Variants in GMPS observed in about 807,000 individuals in gnomAD.
The protein encoded by GMPS is guanosine monophosphate synthase.
GMPS carries 15 observed loss-of-function variants against 77.9 expected under a neutral mutation model. The observed-to-expected ratio is 0.19, with a 90% CI of 0.13 to 0.30. GMPS has a LOEUF of 0.30. GMPS is among the 10% of genes least tolerant of loss of function. The probability of loss-of-function intolerance (pLI) is 1.00; values close to 1 mark genes in which losing one functional copy is unlikely to be tolerated. For synonymous variants in GMPS, 224 were observed against 275.9 expected, an observed-to-expected ratio of 0.81 and a Z score of 1.86; for missense variants, 590 against 838.8, an observed-to-expected ratio of 0.70 and a Z score of 3.66.
At position 155,925,300 on chromosome 3, in the gene GMPS, G is replaced by C. The variant is rs759415163; in HGVS notation, c.1494G>C (p.Leu498=). 4 of 1,610,606 alleles carry C rather than the reference G, an allele frequency of 2.5e-6. No individual in the cohort carries two copies. The highest frequency in any genetic ancestry group is 1.1e-5 in the South Asian group (1 of 90,984). ...CAACAGAAGAGGATCAGGAGAAGCT[G>C]ATGCAAATTACCAGTCTGCATTCAC... is the stretch of plus-strand genomic sequence containing the variant. ...ACTTEEDQEK[L]MQITSLHSLN... is the part of the protein sequence containing the mutation. Residue 498 remains leucine (L), a synonymous_variant, in exon 12 of 16, where the codon CTG becomes CTC. Transcript: ENST00000496455.
At chr3:155,875,919 A>C (rs1482914485) in intron 1 of GMPS, among the ~76,000 whole-genome samples, 1 of 152,188 alleles carries the variant, frequency 6.6e-6, no homozygotes, top group East Asian at 1.9e-4. Context: ...AGATTGTTAT[A>C]ATGTGAAAGG....
intron 9 of GMPS, among the ~76,000 whole-genome samples, chr3:155,916,526 C>T (rs1425524247): frequency 6.6e-6 from 1 of 152,146 alleles, no homozygotes; most frequent in Non-Finnish European, 1.5e-5. Flanking sequence ...AATATGTGGT[C>T]TTTTATGACT....
intron 10 of GMPS, among the ~76,000 whole-genome samples, 182 bp from the exon 11 acceptor site, chr3:155,922,005 G>A (rs79631003): frequency 0.022 from 3,297 of 152,200 alleles, 55 homozygotes; most frequent in Non-Finnish European, 0.033. Flanking sequence ...GAATGTTGAA[G>A]CATTCTAAAA....
chr3:155,890,473 TAAAA>T (rs919841357), intron 1 of GMPS, among the ~76,000 whole-genome samples: 5 of 151,746 alleles, frequency 3.3e-5, no homozygotes, highest in Non-Finnish European at 7.4e-5. Context: ...TGTAGGGAAA[TAAAA>T]AAATAGTAAA....
intron 3 of GMPS, among the ~76,000 whole-genome samples, chr3:155,901,747 T>TA (rs1754743713): frequency 6.6e-6 from 1 of 152,278 alleles, no homozygotes; most frequent in African/African-American, 2.4e-5. Flanking sequence ...GTAAGATTCA[T>TA]ACGTTTATTT....
chr3:155,894,034 A>C (rs1183394207), intron 2 of GMPS, among the ~76,000 whole-genome samples: 1 of 152,146 alleles, frequency 6.6e-6, no homozygotes, highest in Admixed American at 6.5e-5. Flanking sequence ...TGGCTAGAAT[A>C]CTCCAAAGAG....
intron 12 of GMPS, among the ~76,000 whole-genome samples, chr3:155,929,931 C>G (rs1755566597): frequency 6.9e-6 from 1 of 143,958 alleles, no homozygotes; most frequent in Non-Finnish European, 1.5e-5. Flanking sequence ...TGAAAATGGC[C>G]ATACTGCCCA....
chr3:155,897,935 T>C lies in GMPS; in HGVS notation c.218T>C (p.Ile73Thr). ...TGTTCCTTAAATCACAGTGCTATTA[T>C]CATCTCTGGAGGACCTAATTCTGTG... The part of the protein sequence containing the change: ...AIKEQGFRAI[I>T]ISGGPNSVYA... The change falls in exon 3 of 16, where the codon ATC becomes ACC. Residue 73 changes from isoleucine (I) to threonine (T), a missense_variant. Around this residue, in one of 6 missense-constraint regions of GMPS, gnomAD observed 136 missense variants for 225.6 expected, o/e 0.60. Transcript: ENST00000496455. 1 of 1,515,032 alleles carries C rather than the reference T, an allele frequency of 6.6e-7. No homozygotes were observed. The highest frequency in any genetic ancestry group is 9.2e-7 in the Non-Finnish European group (1 of 1,089,794). The allele number at this position is 1,515,032 out of a possible 1,614,324, so 93.8% of individuals were successfully genotyped here.
intron 10 of GMPS, among the ~76,000 whole-genome samples, chr3:155,921,300 A>G (rs1755311956): frequency 6.6e-6 from 1 of 152,170 alleles, no homozygotes; most frequent in Non-Finnish European, 1.5e-5. Context: ...AAAAACTCAC[A>G]TTATTTATTA....
At chr3:155,904,331 C>T (rs1754814355) in intron 4 of GMPS, among the ~76,000 whole-genome samples, 1 of 151,594 alleles carries the variant, frequency 6.6e-6, no homozygotes, top group Non-Finnish European at 1.5e-5. Flanking sequence ...CCTCTGCCAC[C>T]TGGGCTGGAG....
chr3:155,930,620 G>T (rs1755589366), intron 12 of GMPS, among the ~76,000 whole-genome samples: 1 of 152,066 alleles, frequency 6.6e-6, no homozygotes, highest in African/African-American at 2.4e-5. Context: ...ATCTGACAAA[G>T]GGCTAATATC....
At chr3:155,887,746 A>G (rs753862270) in intron 1 of GMPS, among the ~76,000 whole-genome samples, 3 of 152,172 alleles carry the variant, frequency 2.0e-5, no homozygotes, top group Non-Finnish European at 4.4e-5. Context: ...TAGGAGATGC[A>G]TGCTGAAAAG....
At chr3:155,917,745 C>T (rs1468823533) in intron 9 of GMPS, among the ~76,000 whole-genome samples, 2 of 151,946 alleles carry the variant, frequency 1.3e-5, no homozygotes, top group Non-Finnish European at 2.9e-5. Context: ...TGATGGCGGG[C>T]ATCTATAATG....
chr3:155,923,767 CTT>C (rs1755382419), intron 11 of GMPS, among the ~76,000 whole-genome samples: 1 of 152,128 alleles, frequency 6.6e-6, no homozygotes, highest in African/African-American at 2.4e-5. Flanking sequence ...TCTGGGGAAG[CTT>C]TTGAAGTATA....
At chr3:155,881,404 T>G (rs1318665016) in intron 1 of GMPS, among the ~76,000 whole-genome samples, 1 of 152,166 alleles carries the variant, frequency 6.6e-6, no homozygotes, top group Non-Finnish European at 1.5e-5. Context: ...ACTCCCAACC[T>G]TAGGTGATCT....
At chr3:155,931,954 G>A in intron 13 of GMPS, 74 bp downstream of exon 13, 1 of 715,338 alleles carries the variant, frequency 1.4e-6, no homozygotes, top group South Asian at 1.7e-5. Context: ...TCAATTAATG[G>A]AAGACCAAAA....
intron 11 of GMPS, among the ~76,000 whole-genome samples, chr3:155,925,033 A>T (rs2108130190): frequency 6.6e-6 from 1 of 152,324 alleles, no homozygotes. Flanking sequence ...ATGTAAATAT[A>T]ATCTGCATTT....
chr3:155,876,990 G>A (rs1754065404), intron 1 of GMPS, among the ~76,000 whole-genome samples: 2 of 152,034 alleles, frequency 1.3e-5, no homozygotes, highest in Admixed American at 6.6e-5. Flanking sequence ...AGTTACTCCC[G>A]TTTGTCACTG....
intron 1 of GMPS, among the ~76,000 whole-genome samples, chr3:155,892,376 C>T (rs555996253): frequency 2.4e-3 from 361 of 151,872 alleles, no homozygotes; most frequent in African/African-American, 8.1e-3. Context: ...AACAAAAAAG[C>T]AAACAAAAAA....
Sources: allele counts gnomAD v4.1 joint callset (sites outside exome capture counted in the v4.1 genomes callset), GRCh38; gene constraint gnomAD v4.1.1; regional missense constraint gnomAD v4.1.1; transcripts MANE v1.5; gene names NCBI Gene and HGNC (gene_info 2026-07-23, HGNC 2026-07-21).